Variants in MALRD1 observed in about 807,000 individuals in gnomAD.
MALRD1 encodes the protein MAM and LDL-receptor class A domain-containing protein 1.
A neutral mutation model predicts 242.1 loss-of-function variants in MALRD1; 247 were observed. That is an observed-to-expected ratio of 1.02 (90% confidence interval 0.92 to 1.13). The LOEUF (loss-of-function observed/expected upper bound fraction) is 1.13. MALRD1 is among the 50% of genes most tolerant of loss of function. MALRD1 has a pLI of 0.00. For synonymous variants in MALRD1, 995 were observed against 866.6 expected (o/e 1.15, Z -2.60); for missense variants, 2,989 against 2,533.1 (o/e 1.18, Z -3.86).
intron 32 of MALRD1, among the ~76,000 whole-genome samples, chr10:19,547,925 C>CGCTTTGT (rs1397091870): frequency 2.3e-5 from 3 of 129,090 alleles, no homozygotes; most frequent in African/African-American, 8.7e-5. Context: ...AACTTGTGCT[C>CGCTTTGT]GCTTTGTGTT....
At chr10:19,588,425 G>A (rs188758052) in intron 33 of MALRD1, among the ~76,000 whole-genome samples, 4 of 152,290 alleles carry the variant, frequency 2.6e-5, no homozygotes, top group Admixed American at 2.0e-4. Flanking sequence ...GTTAAAACCT[G>A]TCCAATATGA....
chr10:19,163,834 C>A (rs1834553337), intron 12 of MALRD1, among the ~76,000 whole-genome samples: 1 of 152,128 alleles, frequency 6.6e-6, no homozygotes, highest in Admixed American at 6.5e-5. Flanking sequence ...AATATAAGTT[C>A]TGAGCTCTTA....
chr10:19,568,366 G>GTTGTTGTTGTTGTTT (rs373554857), intron 33 of MALRD1, among the ~76,000 whole-genome samples: 15 of 151,890 alleles, frequency 9.9e-5, no homozygotes, highest in African/African-American at 3.1e-4. Context: ...TGTTGTTGTT[G>GTTGTTGTTGTTGTTT]TTGTTTTTTC....
intron 32 of MALRD1, among the ~76,000 whole-genome samples, chr10:19,536,196 G>A (rs374039157): frequency 1.8e-4 from 28 of 152,224 alleles, no homozygotes; most frequent in African/African-American, 6.5e-4. Context: ...AAAGACGTGA[G>A]GACAGGAAGA....
At chr10:19,389,254 A>T (rs1846228236) in intron 27 of MALRD1, 198 bp from the exon 28 acceptor site, 1 of 694,548 alleles carries the variant, frequency 1.4e-6, no homozygotes, top group South Asian at 1.5e-5. Context: ...GCACGTGCTA[A>T]AAGCACAGAC....
intron 19 of MALRD1, among the ~76,000 whole-genome samples, chr10:19,270,489 T>C (rs1588823729): frequency 1.3e-5 from 2 of 152,126 alleles, no homozygotes; most frequent in East Asian, 3.9e-4. Context: ...AATGTCAAGC[T>C]GAGCTTAAAA....
At chr10:19,713,750 C>G (rs1834250795) in intron 38 of MALRD1, among the ~76,000 whole-genome samples, 1 of 152,062 alleles carries the variant, frequency 6.6e-6, no homozygotes, top group South Asian at 2.1e-4. Context: ...TACTAGACAC[C>G]CTCATGGTAA....
chr10:19,084,005 A>G (rs150244808), intron 2 of MALRD1, among the ~76,000 whole-genome samples: 2 of 152,124 alleles, frequency 1.3e-5, no homozygotes, highest in Non-Finnish European at 2.9e-5. Context: ...GGTTTATTAC[A>G]TATTTTATGA....
At chr10:19,562,056 G>A (rs1453541382) in intron 32 of MALRD1, among the ~76,000 whole-genome samples, 1 of 152,186 alleles carries the variant, frequency 6.6e-6, no homozygotes, top group Non-Finnish European at 1.5e-5. Context: ...CCAGCACTTT[G>A]GCAGGCCAAG....
intron 18 of MALRD1, among the ~76,000 whole-genome samples, chr10:19,213,007 C>A (rs1837142045): frequency 6.6e-6 from 1 of 152,066 alleles, no homozygotes; most frequent in African/African-American, 2.4e-5. Flanking sequence ...ATATGAATTG[C>A]AAATATTTTC....
intron 26 of MALRD1, among the ~76,000 whole-genome samples, chr10:19,354,850 A>G (rs1052683685): frequency 6.6e-6 from 1 of 152,172 alleles, no homozygotes; most frequent in African/African-American, 2.4e-5. Flanking sequence ...GTATCAAAAT[A>G]TTACATGCCC....
chr10:19,193,560 A>T (rs1019263147), intron 14 of MALRD1, among the ~76,000 whole-genome samples: 4 of 152,198 alleles, frequency 2.6e-5, no homozygotes, highest in Admixed American at 2.6e-4. Context: ...TCTCAAAAAA[A>T]CAAAGAAAAG....
chr10:19,605,342 T>G (rs1261536395), intron 34 of MALRD1, among the ~76,000 whole-genome samples: 3 of 151,208 alleles, frequency 2.0e-5, no homozygotes, highest in Non-Finnish European at 4.4e-5. Context: ...TTATTATTAT[T>G]ATGTTAGTAG....
chr10:19,367,550 A>G (rs1187560154), intron 26 of MALRD1, among the ~76,000 whole-genome samples: 1 of 152,102 alleles, frequency 6.6e-6, no homozygotes, highest in Non-Finnish European at 1.5e-5. Flanking sequence ...TATCTTGGCT[A>G]TTGTGAATAG....
In MALRD1 at chr10:19,175,342, T is replaced by G; in HGVS notation, c.1951+14T>G. On this transcript the variant is annotated intron_variant, in intron 14 of 39. Coordinates refer to ENST00000454679, the MANE Select transcript of MALRD1 (RefSeq NM_001142308.3). Reference sequence around the variant, plus strand: ...CACAAAGCAAGTGTAAGTTTTTCCTTGTCGTTGTTGCTGTTTTAAACATTG... The same window carrying G: ...CACAAAGCAAGTGTAAGTTTTTCCTGGTCGTTGTTGCTGTTTTAAACATTG... 1 of 1,228,176 alleles carries G rather than the reference T, an allele frequency of 8.1e-7. No individual in the cohort carries two copies. The highest frequency in any genetic ancestry group is 1.0e-6 in the Non-Finnish European group (1 of 985,748). 76.1% of individuals were successfully genotyped at this position (1,228,176 alleles called of 1,614,324 possible). A position where few individuals can be genotyped will look rare whatever the true frequency, so the allele number is the denominator to read the frequency against.
At chr10:19,497,987 A>C in intron 30 of MALRD1, among the ~76,000 whole-genome samples, 1 of 152,166 alleles carries the variant, frequency 6.6e-6, no homozygotes, top group East Asian at 1.9e-4. Context: ...ACTAGCTCTG[A>C]TATTTGATGC....
At chr10:19,622,207 A>AT (rs35711581) in intron 36 of MALRD1, among the ~76,000 whole-genome samples, 66,827 of 151,330 alleles carry the variant, frequency 0.44, 15,691 homozygotes, top group Non-Finnish European at 0.53. Flanking sequence ...AGAAGTTATC[A>AT]TGATGGTATA....
intron 10 of MALRD1, among the ~76,000 whole-genome samples, chr10:19,145,512 T>C (rs1833698491): frequency 6.6e-6 from 1 of 151,924 alleles, no homozygotes; most frequent in Non-Finnish European, 1.5e-5. Flanking sequence ...CGAGCATCGT[T>C]GCATGTGCCT....
chr10:19,095,561 C>T (rs962101654), intron 4 of MALRD1, among the ~76,000 whole-genome samples: 4 of 152,004 alleles, frequency 2.6e-5, no homozygotes, highest in African/African-American at 9.7e-5. Context: ...ATTTGGGGCT[C>T]TTGGATGTGG....
Sources: allele counts gnomAD v4.1 joint callset (sites outside exome capture counted in the v4.1 genomes callset), GRCh38; gene constraint gnomAD v4.1.1; transcripts MANE v1.5; gene names NCBI Gene and HGNC (gene_info 2026-07-23, HGNC 2026-07-21).